CRACD: variants seen among roughly 807,000 people sequenced by gnomAD.
CRACD encodes the protein capping protein-inhibiting regulator of actin dynamics.
In CRACD, 56 loss-of-function variants were observed where a neutral mutation model predicts 106.8. The ratio of observed to expected loss-of-function variants is 0.52; its 90% CI spans 0.42 to 0.66. The LOEUF is 0.66. Ranked by LOEUF, CRACD falls within the 30% of genes least tolerant of loss-of-function variation. The pLI is 0.00. For synonymous variants in CRACD, 754 were observed against 670.8 expected (o/e 1.12, Z -1.92); for missense variants, 1,730 against 1,623.2 (o/e 1.07, Z -1.13).
intron 1 of CRACD, among the ~76,000 whole-genome samples, chr4:56,062,415 G>C (rs997254329): frequency 1.3e-5 from 2 of 152,192 alleles, no homozygotes; most frequent in Non-Finnish European, 2.9e-5. Context: ...TGAGGCATGT[G>C]AACATTCATC....
chr4:56,328,763 A>G lies in CRACD; in HGVS notation c.*959A>G, dbSNP rs4865087. On this transcript the variant is annotated 3_prime_UTR_variant, in exon 11 of 11. Coordinates refer to ENST00000682029, the MANE Select transcript of CRACD (RefSeq NM_001393381.1). ...GAAACACTGATCCTAATGCAATCTA[A>G]TTTTTCAGACTTCGAAGGGGAGGCT... 0.69 allele frequency: 104,375 copies of G among 152,184 alleles called. 35,926 individuals carry two copies. The highest frequency in any genetic ancestry group is 0.77 in the South Asian group (3,698 of 4,826). 9.4% of individuals were successfully genotyped at this position (152,184 alleles called of 1,614,324 possible). A position where few individuals can be genotyped will look rare whatever the true frequency, so the allele number is the denominator to read the frequency against.
intron 2 of CRACD, among the ~76,000 whole-genome samples, chr4:56,245,194 A>G (rs1220329662): frequency 6.6e-6 from 1 of 152,212 alleles, no homozygotes; most frequent in Non-Finnish European, 1.5e-5. Context: ...GGAATATATT[A>G]CATTATCTTA....
rs142730990 is a variant in CRACD, at chr4:56,095,389, C to A, written c.-336+46090C>A. On this transcript the variant is annotated intron_variant, in intron 1 of 10. Transcript: ENST00000682029. Reference sequence around the variant, plus strand: ...TATTGTTATCGCAGTGGAGAAATAGCGACGGCAGTAGAGACAAAGTGGGGG... The same window carrying A: ...TATTGTTATCGCAGTGGAGAAATAGAGACGGCAGTAGAGACAAAGTGGGGG... Among the ~76,000 whole-genome samples the A allele has an allele frequency of 2.0e-5, 3 of 152,142 alleles. No homozygotes were observed. The South Asian group carries it at 6.2e-4, about 32-fold the overall frequency.
intron 2 of CRACD, among the ~76,000 whole-genome samples, chr4:56,223,051 A>G (rs1436147701): frequency 1.1e-4 from 17 of 151,732 alleles, no homozygotes; most frequent in Admixed American, 1.1e-3. Flanking sequence ...AAAAAAAAAA[A>G]AAAGCAGCAG....
chr4:56,057,205 G>T (rs972028357), intron 1 of CRACD, among the ~76,000 whole-genome samples: 9 of 152,172 alleles, frequency 5.9e-5, no homozygotes, highest in African/African-American at 1.4e-4. Context: ...GAAGGCTAAG[G>T]TTCAGAGGTG....
At chr4:56,161,146 T>C (rs541519623) in intron 1 of CRACD, among the ~76,000 whole-genome samples, 1 of 152,182 alleles carries the variant, frequency 6.6e-6, no homozygotes, top group Admixed American at 6.5e-5. Flanking sequence ...TAGTTCTCGG[T>C]CTATGGATTT....
Position 56,314,663 on chromosome 4 carries a change from G to A in CRACD, c.1161G>A (p.Glu387=). The change falls in exon 8 of 11, where the codon GAG becomes GAA. Residue 387 remains glutamate (E), a synonymous_variant. Transcript: ENST00000682029. This position sits in a 1 kb window ranked among gnomAD's most constrained non-coding sequence, Gnocchi z 4.4. ...TGCAGGGGCCGCCCGAGGCGTTGGA[G>A]GAGACTGGGGAGGGCCGGCGGGGCG... The part of the protein sequence containing the change: ...AEVQGPPEAL[E]ETGEGRRGAE... 6.5e-7 allele frequency: 1 copy of A among 1,549,364 alleles called. No homozygotes were observed. The highest frequency in any genetic ancestry group is 8.7e-7 in the Non-Finnish European group (1 of 1,146,154).
At chr4:56,167,718 G>T (rs1053151489) in intron 1 of CRACD, among the ~76,000 whole-genome samples, 4 of 152,098 alleles carry the variant, frequency 2.6e-5, no homozygotes, top group Admixed American at 1.3e-4. Flanking sequence ...AGTCTGAATA[G>T]ACTATTCACA....
Position 56,088,429 on chromosome 4 carries a change from G to A in CRACD, c.-336+39130G>A, listed in dbSNP as rs181845614. ...TCGGCTCCTGCAATCTCTGCCTCCC[G>A]GGTTCAAGCAATTCTCCTGCCTCAG... is the stretch of plus-strand genomic sequence containing the variant. On this transcript the variant is annotated intron_variant, in intron 1 of 10. Transcript: ENST00000682029. 1.8e-4 allele frequency among the ~76,000 whole-genome samples: 27 copies of A among 151,718 alleles called. No homozygotes were observed. In the East Asian group the frequency reaches 2.1e-3, roughly 12 times the overall value.
At chr4:56,078,531 T>C (rs1433607369) in intron 1 of CRACD, among the ~76,000 whole-genome samples, 1 of 152,110 alleles carries the variant, frequency 6.6e-6, no homozygotes, top group Non-Finnish European at 1.5e-5. Flanking sequence ...CTCAGCCTCC[T>C]GAATAGATGG....
intron 2 of CRACD, among the ~76,000 whole-genome samples, chr4:56,234,489 T>C (rs1432233217): frequency 6.6e-6 from 1 of 152,236 alleles, no homozygotes; most frequent in African/African-American, 2.4e-5. Flanking sequence ...GATGGATATG[T>C]ATTTAGGTTG....
At chr4:56,074,592 A>T (rs1223041954) in intron 1 of CRACD, among the ~76,000 whole-genome samples, 1 of 152,188 alleles carries the variant, frequency 6.6e-6, no homozygotes, top group East Asian at 1.9e-4. Context: ...TGGGGCTGAG[A>T]CGATGGTGTT....
chr4:56,301,452 T>C (rs1744362688), intron 4 of CRACD, among the ~76,000 whole-genome samples: 1 of 152,196 alleles, frequency 6.6e-6, no homozygotes, highest in South Asian at 2.1e-4. Context: ...TGTGTGTATG[T>C]TTATTTTTAA....
At chr4:56,096,971 A>G (rs1733619158) in intron 1 of CRACD, among the ~76,000 whole-genome samples, 1 of 152,304 alleles carries the variant, frequency 6.6e-6, no homozygotes, top group Middle Eastern at 3.4e-3. Flanking sequence ...CCCATTTGCT[A>G]GTGGTTGCTT....
intron 1 of CRACD, among the ~76,000 whole-genome samples, chr4:56,143,501 A>G (rs1735275774): frequency 6.6e-6 from 1 of 152,114 alleles, no homozygotes. Context: ...TGCAATAAAT[A>G]TCTTATATAA....
chr4:56,298,145 A>G (rs1221105565), intron 3 of CRACD, 69 bp from the exon 4 acceptor site: 5 of 1,523,304 alleles, frequency 3.3e-6, no homozygotes, highest in Non-Finnish European at 4.5e-6. Context: ...CCAATCAGGA[A>G]TAATGGAAAA....
intron 2 of CRACD, among the ~76,000 whole-genome samples, chr4:56,209,287 A>G (rs1738283690): frequency 6.6e-6 from 1 of 152,166 alleles, no homozygotes; most frequent in Non-Finnish European, 1.5e-5. Context: ...ACCTTTAAGT[A>G]ACTTAAGTAA....
chr4:56,102,150 T>C (rs1733793251), intron 1 of CRACD, among the ~76,000 whole-genome samples: 1 of 152,200 alleles, frequency 6.6e-6, no homozygotes, highest in Non-Finnish European at 1.5e-5. Context: ...TTCCAGATAC[T>C]GCCAAATTAT....
intron 1 of CRACD, among the ~76,000 whole-genome samples, chr4:56,130,206 G>A (rs146031958): frequency 0.024 from 3,582 of 152,158 alleles, 59 homozygotes; most frequent in Admixed American, 0.056. Flanking sequence ...AGGAGGTTGA[G>A]GCTATAGCAA....
Sources: gnomAD v4.1 joint callset for allele counts (sites outside exome capture counted in the v4.1 genomes callset) on GRCh38, gnomAD v4.1.1 for gene constraint, Gnocchi (gnomAD v3.1) non-coding constraint, MANE v1.5 for transcripts, NCBI Gene and HGNC (gene_info 2026-07-23, HGNC 2026-07-21) for gene names.